The following GPM6A variants were observed in gnomAD, a reference collection of about 807,000 sequenced individuals.
GPM6A encodes glycoprotein M6A.
In GPM6A, 7 loss-of-function variants were observed where a neutral mutation model predicts 32.1. That is an observed-to-expected ratio of 0.22 (90% CI 0.12 to 0.41). GPM6A has a LOEUF of 0.41. GPM6A is among the 10% of genes least tolerant of loss of function. GPM6A has a pLI of 1.00. For missense variants in GPM6A, 235 were observed against 347.2 expected, an observed-to-expected ratio of 0.68 and a Z score of 2.57; for synonymous variants, 130 against 123.4, an observed-to-expected ratio of 1.05 and a Z score of -0.35.
intron 1 of GPM6A, among the ~76,000 whole-genome samples, chr4:175,760,318 T>C (rs987544409): frequency 2.3e-4 from 35 of 152,162 alleles, no homozygotes; most frequent in African/African-American, 8.2e-4. Context: ...TAGGTAGGTG[T>C]TTATGGAAAT....
At chr4:175,996,981 C>G (rs1237808603) in intron 1 of GPM6A, among the ~76,000 whole-genome samples, 1 of 151,960 alleles carries the variant, frequency 6.6e-6, no homozygotes. Context: ...TCTTGGGATG[C>G]TGCCTCTTGA....
intron 1 of GPM6A, among the ~76,000 whole-genome samples, chr4:175,723,874 T>C (rs568171650): frequency 3.9e-4 from 59 of 152,278 alleles, no homozygotes; most frequent in African/African-American, 1.4e-3. Context: ...AAATGTATAA[T>C]ATATTATACT....
intron 1 of GPM6A, among the ~76,000 whole-genome samples, chr4:175,871,829 C>T (rs970117730): frequency 6.6e-6 from 1 of 152,162 alleles, no homozygotes; most frequent in Non-Finnish European, 1.5e-5. Context: ...GTGATCTGCT[C>T]GCAATTTTTG....
chr4:175,675,630 G>T (rs572208572), intron 2 of GPM6A, among the ~76,000 whole-genome samples: 2 of 151,666 alleles, frequency 1.3e-5, no homozygotes, highest in Admixed American at 1.3e-4. Flanking sequence ...ATTTTTCTTC[G>T]TATAATTTCC....
chr4:175,851,137 T>C (rs972991039), intron 1 of GPM6A, among the ~76,000 whole-genome samples: 4 of 152,032 alleles, frequency 2.6e-5, no homozygotes, highest in African/African-American at 9.7e-5. Flanking sequence ...GGTGGGCAGA[T>C]CACAAGGTCA....
intron 1 of GPM6A, among the ~76,000 whole-genome samples, chr4:175,710,104 A>G (rs1377422249): frequency 6.6e-6 from 1 of 152,196 alleles, no homozygotes; most frequent in African/African-American, 2.4e-5. Flanking sequence ...GACTATCATA[A>G]TAAGTAAAGC....
chr4:175,718,724 G>T (rs899530966), intron 1 of GPM6A, among the ~76,000 whole-genome samples: 2 of 152,036 alleles, frequency 1.3e-5, no homozygotes, highest in African/African-American at 4.8e-5. Context: ...TTTGTTCAAA[G>T]CACCAGTGTA....
rs533459266 is a variant in GPM6A at position 175,705,266 on chromosome 4, A to G, written c.38-3499T>C. 1.8e-3 allele frequency among the ~76,000 whole-genome samples: 272 copies of G among 152,332 alleles called. 1 individual carries two copies. Among genetic ancestry groups the G allele is most frequent in the African/African-American group, 6.1e-3 (254 of 41,580 alleles). On this transcript the variant is annotated intron_variant, in intron 1 of 6. Coordinates refer to ENST00000393658, the MANE Select transcript of GPM6A (RefSeq NM_201591.3). ...GGTCTTTTTACTCTATGTAAACAGT[A>G]TTATTTAAATCTCTCAGAATCATAT...
chr4:175,686,165 C>T (rs939320003), intron 2 of GPM6A, among the ~76,000 whole-genome samples: 1 of 152,144 alleles, frequency 6.6e-6, no homozygotes, highest in Non-Finnish European at 1.5e-5. Flanking sequence ...AAAGTTGTCA[C>T]AGGCAGCAAT....
chr4:175,754,221 A>G (rs73006365), intron 1 of GPM6A, among the ~76,000 whole-genome samples: 481 of 152,260 alleles, frequency 3.2e-3, no homozygotes, highest in African/African-American at 0.01. Context: ...ATGCATGGGT[A>G]TGTGCCTGGC....
In GPM6A at chr4:175,634,781, A is replaced by G. The variant is rs568719943; in HGVS notation, c.*124T>C. 7.3e-6 allele frequency: 5 copies of G among 682,102 alleles called. No individual in the cohort carries two copies. In the East Asian group the frequency reaches 1.0e-4, roughly 14 times the overall value. The allele number at this position is 682,102 out of a possible 1,614,324, so 42.3% of individuals were successfully genotyped here. ...ACAAAGAATTGTACTCAGGTGATTCATAAGTCACCTTACATATCATTGATG... is the reference window on the plus strand; with the variant it reads ...ACAAAGAATTGTACTCAGGTGATTCGTAAGTCACCTTACATATCATTGATG... On this transcript the variant is annotated 3_prime_UTR_variant, in exon 7 of 7. Coordinates refer to ENST00000393658, the MANE Select transcript of GPM6A (RefSeq NM_201591.3).
chr4:175,676,588 A>T (rs933335373), intron 2 of GPM6A, among the ~76,000 whole-genome samples: 1 of 152,152 alleles, frequency 6.6e-6, no homozygotes, highest in Non-Finnish European at 1.5e-5. Context: ...CTCTACAAAA[A>T]TTTAAAAACT....
At chr4:175,665,951 CTCAG>C (rs1172681690) in intron 3 of GPM6A, among the ~76,000 whole-genome samples, 2 of 148,698 alleles carry the variant, frequency 1.3e-5, no homozygotes, top group South Asian at 2.2e-4. Flanking sequence ...CAGAGTCTCA[CTCAG>C]TCACCCAGGC....
intron 1 of GPM6A, among the ~76,000 whole-genome samples, chr4:175,984,307 T>TC (rs1740903942): frequency 6.6e-6 from 1 of 151,970 alleles, no homozygotes; most frequent in East Asian, 1.9e-4. Context: ...GGACTACAGG[T>TC]GCGTTCCACC....
At position 175,634,974 on chromosome 4, in the gene GPM6A, C is replaced by A; in HGVS notation, c.768G>T (p.Ser256=). ...CRMQKYEDIK[S]KEEQELHDIH... is the part of the protein sequence containing the mutation. Reference sequence around the variant, plus strand: ...TGTCATGAAGCTCTTGCTCTTCCTTCGACTTGATGTCTTCATACTTCTGCA... The same window carrying A: ...TGTCATGAAGCTCTTGCTCTTCCTTAGACTTGATGTCTTCATACTTCTGCA... Residue 256 remains serine (S), a synonymous_variant, in exon 7 of 7, where the codon TCG becomes TCT. Transcript: ENST00000393658. The A allele has an allele frequency of 1.2e-6, 2 of 1,613,792 alleles. No homozygotes were observed. Among genetic ancestry groups the A allele is most frequent in the Non-Finnish European group, 8.5e-7 (1 of 1,179,754 alleles).
At chr4:175,659,968 A>C (rs1011283596) in intron 3 of GPM6A, among the ~76,000 whole-genome samples, 1 of 152,212 alleles carries the variant, frequency 6.6e-6, no homozygotes, top group Non-Finnish European at 1.5e-5. Context: ...ATAAAAGGCA[A>C]CTGTTCACAA....
At chr4:175,637,015 AAT>A (rs984407924) in intron 6 of GPM6A, among the ~76,000 whole-genome samples, 2 of 84,644 alleles carry the variant, frequency 2.4e-5, no homozygotes, top group African/African-American at 9.0e-5. Flanking sequence ...TTTATATAAA[AAT>A]ATATATAATA....
intron 1 of GPM6A, among the ~76,000 whole-genome samples, chr4:175,837,683 G>C (rs1735810003): frequency 6.6e-6 from 1 of 152,110 alleles, no homozygotes; most frequent in Non-Finnish European, 1.5e-5. Context: ...AAATGAGACA[G>C]GGACAACGGC....
At chr4:175,902,032 A>C (rs1268333781) in intron 1 of GPM6A, among the ~76,000 whole-genome samples, 1 of 152,122 alleles carries the variant, frequency 6.6e-6, no homozygotes, top group Non-Finnish European at 1.5e-5. Context: ...TGGCAACAAA[A>C]AGATGTGGAC....
Sources: allele counts gnomAD v4.1 joint callset (sites outside exome capture counted in the v4.1 genomes callset), GRCh38; gene constraint gnomAD v4.1.1; transcripts MANE v1.5; gene names NCBI Gene and HGNC (gene_info 2026-07-23, HGNC 2026-07-21).